RHBDD1: variants seen among roughly 807,000 people sequenced by gnomAD.
RHBDD1 encodes the protein rhomboid domain containing 1.
In RHBDD1, 38 loss-of-function variants were observed where a neutral mutation model predicts 36.3. That is an observed-to-expected ratio of 1.05 (90% CI 0.81 to 1.37). RHBDD1 has a LOEUF of 1.37. Among genes scored for constraint, RHBDD1 ranks in the 40% most tolerant of loss-of-function variants. The pLI, the probability that RHBDD1 is intolerant of heterozygous loss-of-function variation, is 0.00. For synonymous variants in RHBDD1, 151 were observed against 136.5 expected (o/e 1.11, Z -0.74); for missense variants, 393 against 377.6 (o/e 1.04, Z -0.34).
intron 8 of RHBDD1, among the ~76,000 whole-genome samples, chr2:226,938,665 G>A (rs553714493): frequency 2.6e-5 from 4 of 152,008 alleles, no homozygotes; most frequent in African/African-American, 9.7e-5. Context: ...AGGACCAGAC[G>A]GATTCACAGC....
intron 5 of RHBDD1, among the ~76,000 whole-genome samples, chr2:226,904,427 G>C (rs566845475): frequency 0.033 from 2,998 of 90,708 alleles, 493 homozygotes; most frequent in East Asian, 0.079. Flanking sequence ...GGGGGGAGGG[G>C]GGTCAGGGAA....
the RHBDD1 span, among the ~76,000 whole-genome samples, chr2:226,814,181 A>T: frequency 1.3e-5 from 2 of 152,156 alleles, no homozygotes; most frequent in African/African-American, 4.8e-5. Context: ...AGTAAAGTGA[A>T]CATGATATCT....
At chr2:226,827,666 CT>C in the RHBDD1 span, among the ~76,000 whole-genome samples, 1 of 152,218 alleles carries the variant, frequency 6.6e-6, no homozygotes, top group Non-Finnish European at 1.5e-5. Context: ...TAGTCAATGT[CT>C]TCATCCCATA....
chr2:226,928,129 A>G (rs1269091693), intron 8 of RHBDD1, among the ~76,000 whole-genome samples: 3 of 152,126 alleles, frequency 2.0e-5, no homozygotes, highest in African/African-American at 7.2e-5. Context: ...GATGTGAGGT[A>G]TGAACCAAAG....
chr2:226,841,543 G>A (rs1941637409), intron 3 of RHBDD1, among the ~76,000 whole-genome samples: 1 of 152,160 alleles, frequency 6.6e-6, no homozygotes, highest in Non-Finnish European at 1.5e-5. Flanking sequence ...TTATAAGTGA[G>A]AACATGCAGT....
chr2:226,947,825 A>G lies in RHBDD1; in HGVS notation c.856+33474A>G, dbSNP rs912533266. Among the ~76,000 whole-genome samples, 21 of 152,326 alleles carry G rather than the reference A, an allele frequency of 1.4e-4. No homozygotes were observed. The East Asian group carries it at 4.0e-3, about 29-fold the overall frequency. On this transcript the variant is annotated intron_variant, in intron 8 of 8. Transcript: ENST00000392062. ...AAAAACACATGAAAAAATGCTCATC[A>G]TCACTGGCCATCAGAGAAATGCAAA...
At chr2:226,870,618 A>G (rs375145609) in intron 5 of RHBDD1, among the ~76,000 whole-genome samples, 1 of 152,202 alleles carries the variant, frequency 6.6e-6, no homozygotes, top group African/African-American at 2.4e-5. Context: ...AAATTCATAT[A>G]TAATTTTTGA....
At chr2:226,851,752 G>C (rs1478701838) in intron 3 of RHBDD1, among the ~76,000 whole-genome samples, 1 of 152,088 alleles carries the variant, frequency 6.6e-6, no homozygotes, top group Non-Finnish European at 1.5e-5. Context: ...CCTTTTTGTT[G>C]TTGTTGCTAT....
intron 3 of RHBDD1, among the ~76,000 whole-genome samples, chr2:226,857,777 A>G (rs1227303049): frequency 1.3e-5 from 2 of 152,178 alleles, no homozygotes; most frequent in African/African-American, 2.4e-5. Flanking sequence ...GCCAGGCACT[A>G]GGTGGGAAGT....
chr2:226,949,406 C>G (rs1951260682), intron 8 of RHBDD1, among the ~76,000 whole-genome samples: 1 of 152,076 alleles, frequency 6.6e-6, no homozygotes, highest in South Asian at 2.1e-4. Context: ...AGCATGTATA[C>G]CAGCAGCATT....
At chr2:226,863,791 C>T (rs2125219677) in intron 3 of RHBDD1, among the ~76,000 whole-genome samples, 1 of 152,298 alleles carries the variant, frequency 6.6e-6, no homozygotes, top group Non-Finnish European at 1.5e-5. Context: ...CAAAGCATGT[C>T]ACAGTGCCAG....
chr2:226,920,100 TTAAA>T lies in RHBDD1; in HGVS notation c.856+5770_856+5773del, dbSNP rs535492553. On this transcript the variant is annotated intron_variant, in intron 8 of 8. Coordinates refer to ENST00000392062, the MANE Select transcript of RHBDD1 (RefSeq NM_001167608.3). The stretch of plus-strand genomic sequence containing the variant: ...TTGTAGCTATTTTAAATATTTGTAT[TTAAA>T]TAAATAAATAAATAAATAAAAACTT... 3.1e-3 allele frequency among the ~76,000 whole-genome samples: 469 copies of T among 151,852 alleles called. 3 individuals carry two copies. The highest frequency in any genetic ancestry group is 7.8e-3 in the African/African-American group (323 of 41,522).
At chr2:226,841,884 A>G (rs1941675490) in intron 3 of RHBDD1, among the ~76,000 whole-genome samples, 1 of 152,230 alleles carries the variant, frequency 6.6e-6, no homozygotes, top group South Asian at 2.1e-4. Flanking sequence ...TGTCTTACAC[A>G]GTGGTTGAAC....
chr2:226,876,092 A>G (rs1369663866), intron 5 of RHBDD1, among the ~76,000 whole-genome samples: 3 of 152,228 alleles, frequency 2.0e-5, no homozygotes, highest in African/African-American at 7.2e-5. Flanking sequence ...AGGCCAAACC[A>G]TAGAGAAGAG....
At position 226,946,361 on chromosome 2, in the gene RHBDD1, G is replaced by A. The variant is rs187130102; in HGVS notation, c.856+32010G>A. The stretch of plus-strand genomic sequence containing the variant: ...TCAAAGATCAGATGGTTGTAGATGT[G>A]TGGTGTTATTTCTGAGGCCTCTGTT... On this transcript the variant is annotated intron_variant, in intron 8 of 8. Coordinates refer to ENST00000392062, the MANE Select transcript of RHBDD1 (RefSeq NM_001167608.3). Among the ~76,000 whole-genome samples the A allele has an allele frequency of 2.6e-3, 399 of 152,176 alleles. 2 individuals carry two copies. The highest frequency in any genetic ancestry group is 9.0e-3 in the African/African-American group (372 of 41,518).
intron 8 of RHBDD1, among the ~76,000 whole-genome samples, chr2:226,939,147 A>G (rs1358515679): frequency 5.9e-5 from 9 of 152,158 alleles, no homozygotes. Flanking sequence ...TAAGAGCCAT[A>G]TATTACAGAC....
chr2:226,948,608 AAAT>A (rs1369820343), intron 8 of RHBDD1, among the ~76,000 whole-genome samples: 1 of 151,106 alleles, frequency 6.6e-6, no homozygotes, highest in Non-Finnish European at 1.5e-5. Context: ...AAATAAAAAA[AAAT>A]AAAATAAACT....
intron 8 of RHBDD1, among the ~76,000 whole-genome samples, chr2:226,940,270 A>G (rs945994468): frequency 1.3e-5 from 2 of 152,232 alleles, no homozygotes; most frequent in African/African-American, 2.4e-5. Context: ...TGAAGATGCC[A>G]AAAGCAGTTG....
chr2:226,983,252 C>T lies in RHBDD1; in HGVS notation c.857-12179C>T, dbSNP rs896619719. ...CTTCCATTAGAACCCTAGAATCTGC[C>T]TCTCACCAAGCTCCCCGACGTGGAT... On this transcript the variant is annotated intron_variant, in intron 8 of 8. Coordinates refer to ENST00000392062, the MANE Select transcript of RHBDD1 (RefSeq NM_001167608.3). Among the ~76,000 whole-genome samples, 32 of 152,218 alleles carry T rather than the reference C, an allele frequency of 2.1e-4. 1 individual carries two copies. The East Asian group carries it at 5.2e-3, about 25-fold the overall frequency.
Sources: gnomAD v4.1 joint callset for allele counts (sites outside exome capture counted in the v4.1 genomes callset) on GRCh38, gnomAD v4.1.1 for gene constraint, MANE v1.5 for transcripts, NCBI Gene and HGNC (gene_info 2026-07-23, HGNC 2026-07-21) for gene names.